Variants in RIN2 observed in about 807,000 individuals in gnomAD.
RIN2 encodes the protein RAB5 interacting protein 2.
Under a neutral mutation model 78.0 loss-of-function variants are expected in RIN2, and 36 were observed. That is an observed-to-expected ratio of 0.46 (90% CI 0.35 to 0.61). The LOEUF is 0.61. RIN2 is among the 20% of genes least tolerant of loss of function. The probability of loss-of-function intolerance (pLI) is 0.00; values close to 1 mark genes in which losing one functional copy is unlikely to be tolerated. For synonymous variants in RIN2, 466 were observed against 466.8 expected, an observed-to-expected ratio of 1.00 and a Z score of 0.02; for missense variants, 1,087 against 1,159.7, an observed-to-expected ratio of 0.94 and a Z score of 0.91.
chr20:19,886,634 T>TTCA, intron 2 of RIN2: 1 of 686,894 alleles, frequency 1.5e-6, no homozygotes, highest in Non-Finnish European at 2.4e-6. Flanking sequence ...TTTTTTTTGC[T>TTCA]AGCTTTTAGC....
In RIN2 at chr20:19,900,491, AT is replaced by A. The variant is rs538770333; in HGVS notation, c.57+10834del. Among the ~76,000 whole-genome samples, 22 of 151,864 alleles carry A rather than the reference AT, an allele frequency of 1.4e-4. 1 individual carries two copies. In the South Asian group the frequency reaches 3.7e-3, roughly 26 times the overall value. ...GAGTCTCAAAATAAAAAATAAAAAA[AT>A]AAAAACCGTCCTAAAGTCAGGTACA... is the stretch of plus-strand genomic sequence containing the variant. On this transcript the variant is annotated intron_variant, in intron 3 of 12. Transcript: ENST00000255006.
intron 7 of RIN2, 146 bp downstream of exon 7, chr20:19,965,170 C>A: frequency 1.5e-6 from 1 of 685,132 alleles, no homozygotes; most frequent in Non-Finnish European, 2.6e-6. Context: ...AAATGTTCAC[C>A]AAGTGAACAG....
intron 3 of RIN2, among the ~76,000 whole-genome samples, chr20:19,922,789 A>G (rs941870835): frequency 4.6e-5 from 7 of 152,182 alleles, no homozygotes; most frequent in African/African-American, 1.7e-4. Flanking sequence ...TCCCCAGCAG[A>G]TACAATTAGC....
At chr20:19,844,706 CTTCTTCT>C (rs1568807958) in intron 2 of RIN2, among the ~76,000 whole-genome samples, 20 of 15,192 alleles carry the variant, frequency 1.3e-3, no homozygotes, top group Non-Finnish European at 2.5e-3. Flanking sequence ...TCCTCTTCTT[CTTCTTCT>C]TCTTCTTCTT....
chr20:19,891,838 G>A lies in RIN2; in HGVS notation c.57+2180G>A, dbSNP rs73605547. 1.2e-3 allele frequency among the ~76,000 whole-genome samples: 188 copies of A among 152,280 alleles called. 2 individuals carry two copies. In the East Asian group the frequency reaches 0.014, roughly 12 times the overall value. On this transcript the variant is annotated intron_variant, in intron 3 of 12. Transcript: ENST00000255006. ...AGCAAGACTCCATCTAAAAAAAGAA[G>A]AAGAAGAAGAAAATGGAGTATAAAG...
chr20:19,962,494 G>A (rs1463721700), intron 6 of RIN2, among the ~76,000 whole-genome samples: 3 of 152,138 alleles, frequency 2.0e-5, no homozygotes, highest in African/African-American at 2.4e-5. Flanking sequence ...CCTTGTGGCC[G>A]AAGGTTTTTC....
intron 3 of RIN2, among the ~76,000 whole-genome samples, chr20:19,898,236 G>A (rs538627840): frequency 1.7e-4 from 26 of 152,244 alleles, no homozygotes; most frequent in East Asian, 5.8e-4. Context: ...AGCATGTGTC[G>A]TTCCAACACA....
chr20:19,838,908 C>A (rs1403507855), intron 2 of RIN2, among the ~76,000 whole-genome samples: 2 of 152,152 alleles, frequency 1.3e-5, no homozygotes, highest in Non-Finnish European at 2.9e-5. Flanking sequence ...AGCCCCCAAA[C>A]CTCCACCCAG....
chr20:19,842,569 G>GA (rs1327083131), intron 2 of RIN2, among the ~76,000 whole-genome samples: 1 of 151,746 alleles, frequency 6.6e-6, no homozygotes, highest in Non-Finnish European at 1.5e-5. Context: ...ATGGTTTACT[G>GA]AATATTTTAA....
rs1171039303 is a variant in RIN2, at chr20:19,886,393, C to T, written c.-36-3173C>T. ...TTTACCACAGCAGTCGCTCTTGGGGCCACACGGAAAGCCACCACTGAGTTT... is the reference window on the plus strand; with the variant it reads ...TTTACCACAGCAGTCGCTCTTGGGGTCACACGGAAAGCCACCACTGAGTTT... On this transcript the variant is annotated intron_variant, in intron 2 of 12. Coordinates refer to ENST00000255006, the MANE Select transcript of RIN2 (RefSeq NM_018993.4). 7 of 324,858 alleles carry T rather than the reference C, an allele frequency of 2.2e-5. No individual in the cohort carries two copies. The South Asian group carries it at 5.2e-4, about 24-fold the overall frequency. The allele number at this position is 324,858 out of a possible 1,614,324, so 20.1% of individuals were successfully genotyped here. A position where few individuals can be genotyped will look rare whatever the true frequency, so the allele number is the denominator to read the frequency against.
At chr20:19,781,097 T>C (rs907486683) in intron 1 of RIN2, among the ~76,000 whole-genome samples, 8 of 152,166 alleles carry the variant, frequency 5.3e-5, no homozygotes, top group African/African-American at 1.9e-4. Context: ...ATCTGGAACA[T>C]ATAGTTTACA....
rs138282736 is a variant in RIN2 at position 19,764,101 on chromosome 20, T to C, written c.-163+5774T>C. Reference sequence around the variant, plus strand: ...TTTTAAGTAAGTTAATCCAATAAATTGGATAAAGAGACTTTTTGTTTTTTA... The same window carrying C: ...TTTTAAGTAAGTTAATCCAATAAATCGGATAAAGAGACTTTTTGTTTTTTA... On this transcript the variant is annotated intron_variant, in intron 1 of 12. Transcript: ENST00000255006. 1.7e-3 allele frequency among the ~76,000 whole-genome samples: 263 copies of C among 152,246 alleles called. 2 individuals are homozygous for C. Among genetic ancestry groups the C allele is most frequent in the African/African-American group, 6.0e-3 (248 of 41,530 alleles).
At chr20:19,798,515 A>G (rs2035137050) in intron 1 of RIN2, among the ~76,000 whole-genome samples, 1 of 151,996 alleles carries the variant, frequency 6.6e-6, no homozygotes, top group South Asian at 2.1e-4. Context: ...AAAGAATGAG[A>G]TAACCTTCTT....
chr20:19,933,221 C>A (rs775631897), intron 3 of RIN2, among the ~76,000 whole-genome samples: 1 of 152,318 alleles, frequency 6.6e-6, no homozygotes, highest in East Asian at 1.9e-4. Flanking sequence ...CTACTTAAGG[C>A]CTTCCAATGG....
At position 19,944,287 on chromosome 20, in the gene RIN2, C is replaced by T. The variant is rs558618890; in HGVS notation, c.158+9088C>T. The stretch of plus-strand genomic sequence containing the variant: ...TAATATTCTTCCACAAGTTGTTGAT[C>T]CCAGACCCACCACCTCTCTTCTCCC... On this transcript the variant is annotated intron_variant, in intron 4 of 12. Coordinates refer to ENST00000255006, the MANE Select transcript of RIN2 (RefSeq NM_018993.4). Among the ~76,000 whole-genome samples, 50 of 152,210 alleles carry T rather than the reference C, an allele frequency of 3.3e-4. No individual in the cohort carries two copies. The South Asian group carries it at 9.5e-3, about 29-fold the overall frequency.
At chr20:19,851,026 G>GAAGGAAGGAAGGAAGGAAGGAGA (rs2036948917) in intron 2 of RIN2, among the ~76,000 whole-genome samples, 3 of 109,364 alleles carry the variant, frequency 2.7e-5, no homozygotes, top group Admixed American at 9.1e-5. Context: ...AGGAAGGAAG[G>GAAGGAAGGAAGGAAGGAAGGAGA]AAGGAAGGAA....
intron 3 of RIN2, among the ~76,000 whole-genome samples, chr20:19,918,749 G>A (rs1273593498): frequency 3.3e-5 from 5 of 150,870 alleles, no homozygotes; most frequent in Admixed American, 6.6e-5. Context: ...CTGACTTTAC[G>A]GAGTCTGGGC....
At chr20:19,766,383 T>C (rs1438019513) in intron 1 of RIN2, among the ~76,000 whole-genome samples, 1 of 152,108 alleles carries the variant, frequency 6.6e-6, no homozygotes, top group Non-Finnish European at 1.5e-5. Flanking sequence ...TGTGCTTCCA[T>C]GGGACGTTGG....
chr20:19,906,907 C>T (rs2039243097), intron 3 of RIN2, among the ~76,000 whole-genome samples: 1 of 152,182 alleles, frequency 6.6e-6, no homozygotes, highest in Non-Finnish European at 1.5e-5. Context: ...CCACAGCCTT[C>T]CTCAATGTCT....
Sources: allele counts gnomAD v4.1 joint callset (sites outside exome capture counted in the v4.1 genomes callset), GRCh38; gene constraint gnomAD v4.1.1; transcripts MANE v1.5; gene names NCBI Gene and HGNC (gene_info 2026-07-23, HGNC 2026-07-21).